TRAM2: variants seen among roughly 807,000 people sequenced by gnomAD.
TRAM2 encodes translocating chain-associated membrane protein 2.
A neutral mutation model predicts 51.0 loss-of-function variants in TRAM2; 12 were observed. The ratio of observed to expected loss-of-function variants is 0.24; its 90% CI spans 0.15 to 0.38. The LOEUF (loss-of-function observed/expected upper bound fraction) is 0.38, where lower values mean the gene tolerates loss of function less well. Ranked by LOEUF, TRAM2 falls within the 10% of genes least tolerant of loss-of-function variation. The pLI is 1.00. For synonymous variants in TRAM2, 175 were observed against 179.4 expected (o/e 0.98, Z 0.20); for missense variants, 361 against 462.0 (o/e 0.78, Z 2.00).
chr6:52,574,588 G>A (rs1207591969), intron 1 of TRAM2, among the ~76,000 whole-genome samples: 1 of 152,190 alleles, frequency 6.6e-6, no homozygotes, highest in Non-Finnish European at 1.5e-5. Context: ...TGATGGGCTT[G>A]GCAGGAAAAG....
intron 4 of TRAM2, 24 bp downstream of exon 4, chr6:52,515,982 T>C: frequency 1.2e-6 from 2 of 1,608,466 alleles, no homozygotes; most frequent in Non-Finnish European, 1.7e-6. Context: ...CTCTCCCGCT[T>C]CAGCAGTCCT....
At chr6:52,506,644 G>A (rs1370102501) in intron 7 of TRAM2, among the ~76,000 whole-genome samples, 5 of 152,176 alleles carry the variant, frequency 3.3e-5, no homozygotes. Flanking sequence ...TGACAGTGCA[G>A]ACTGGCTTCT....
intron 2 of TRAM2, chr6:52,522,804 C>A: frequency 1.5e-6 from 1 of 663,052 alleles, no homozygotes; most frequent in South Asian, 1.7e-5. Flanking sequence ...GAGCAGCTGT[C>A]CCTTTTGGGG....
rs1253610551 is a variant in TRAM2 at position 52,501,446 on chromosome 6, G to C, written c.*1751C>G. ...AAATCCAAGGTTTGGTTTCTACTGT[G>C]ATGTCAGAAAGATGACCAGTATTCC... On this transcript the variant is annotated 3_prime_UTR_variant, in exon 11 of 11. Transcript: ENST00000182527. 2 of 152,164 alleles carry C rather than the reference G, an allele frequency of 1.3e-5. No homozygotes were observed. The highest frequency in any genetic ancestry group is 2.9e-5 in the Non-Finnish European group (2 of 68,024). 9.4% of individuals were successfully genotyped at this position (152,164 alleles called of 1,614,324 possible).
chr6:52,553,882 G>GT lies in TRAM2; in HGVS notation c.121-18037dup, dbSNP rs1767354447. On this transcript the variant is annotated intron_variant, in intron 1 of 10. Coordinates refer to ENST00000182527, the MANE Select transcript of TRAM2 (RefSeq NM_012288.4). ...ATAACAATTAGTCATTCTTCCTCTT[G>GT]TTTTTTATCATTGCTTTGTCATTTA... is the stretch of plus-strand genomic sequence containing the variant. Among the ~76,000 whole-genome samples, 7 of 152,246 alleles carry GT rather than the reference G, an allele frequency of 4.6e-5. No individual in the cohort carries two copies. The South Asian group carries it at 8.3e-4, about 18-fold the overall frequency.
At chr6:52,509,507 C>G (rs1562475727) in intron 5 of TRAM2, 21 bp downstream of exon 5, 2 of 1,610,320 alleles carry the variant, frequency 1.2e-6, no homozygotes, top group African/African-American at 2.7e-5. Flanking sequence ...CTCCCTGGGG[C>G]TGAGTCAACA....
intron 1 of TRAM2, among the ~76,000 whole-genome samples, chr6:52,561,048 A>G (rs1767490091): frequency 6.6e-6 from 1 of 152,218 alleles, no homozygotes; most frequent in Non-Finnish European, 1.5e-5. Context: ...AAAATGATTC[A>G]GTCATAAAAA....
At chr6:52,508,405 G>T in intron 5 of TRAM2, 87 bp from the exon 6 acceptor site, 1 of 1,286,814 alleles carries the variant, frequency 7.8e-7, no homozygotes, top group Non-Finnish European at 1.1e-6. Flanking sequence ...AAAAGCATGG[G>T]CTGAGACTCT....
At chr6:52,564,480 CT>C (rs1293053500) in intron 1 of TRAM2, among the ~76,000 whole-genome samples, 1 of 152,124 alleles carries the variant, frequency 6.6e-6, no homozygotes, top group Non-Finnish European at 1.5e-5. Context: ...GCGCCCAAGC[CT>C]TCTCTCTGCC....
At position 52,555,029 on chromosome 6, in the gene TRAM2, C is replaced by G. The variant is rs576287411; in HGVS notation, c.121-19183G>C. On this transcript the variant is annotated intron_variant, in intron 1 of 10. Coordinates refer to ENST00000182527, the MANE Select transcript of TRAM2 (RefSeq NM_012288.4). Reference sequence around the variant, plus strand: ...GTGCCTGGCCAACTTCTAGTCAATCCTGACTTGAGTTTTTCTTGATGCTTT... The same window carrying G: ...GTGCCTGGCCAACTTCTAGTCAATCGTGACTTGAGTTTTTCTTGATGCTTT... Among the ~76,000 whole-genome samples, 192 of 152,300 alleles carry G rather than the reference C, an allele frequency of 1.3e-3. 1 individual carries two copies. Among genetic ancestry groups the G allele is most frequent in the African/African-American group, 4.3e-3 (180 of 41,572 alleles).
rs188380643 is a variant in TRAM2 at position 52,525,460 on chromosome 6, T to C, written c.185-8723A>G. 5.9e-5 allele frequency among the ~76,000 whole-genome samples: 9 copies of C among 152,286 alleles called. No homozygotes were observed. In the East Asian group the frequency reaches 1.7e-3, roughly 29 times the overall value. On this transcript the variant is annotated intron_variant, in intron 2 of 10. Coordinates refer to ENST00000182527, the MANE Select transcript of TRAM2 (RefSeq NM_012288.4). ...AGCATCACCATAGTTCTCAGACACATAAGCACAGATACACACACACACAGA... is the reference window on the plus strand; with the variant it reads ...AGCATCACCATAGTTCTCAGACACACAAGCACAGATACACACACACACAGA...
chr6:52,565,754 G>A (rs1767580216), intron 1 of TRAM2, among the ~76,000 whole-genome samples: 1 of 152,232 alleles, frequency 6.6e-6, no homozygotes, highest in Non-Finnish European at 1.5e-5. Flanking sequence ...GTAGATCTCA[G>A]TACATAGCGA....
chr6:52,517,192 G>A (rs1321645044), intron 2 of TRAM2: 1 of 157,962 alleles, frequency 6.3e-6, no homozygotes, highest in Non-Finnish European at 1.4e-5. Flanking sequence ...TCAGAAGCTG[G>A]ACTCTTCAGT....
Position 52,553,457 on chromosome 6 carries a change from T to C in TRAM2, c.121-17611A>G, listed in dbSNP as rs147025189. ...GTAGTAGCCGCTTTCTTTGATTCTCTGAATGTCCTTTCTTGCCTGCACTCC... is the reference window on the plus strand; with the variant it reads ...GTAGTAGCCGCTTTCTTTGATTCTCCGAATGTCCTTTCTTGCCTGCACTCC... On this transcript the variant is annotated intron_variant, in intron 1 of 10. Coordinates refer to ENST00000182527, the MANE Select transcript of TRAM2 (RefSeq NM_012288.4). 3.9e-5 allele frequency among the ~76,000 whole-genome samples: 6 copies of C among 152,356 alleles called. No homozygotes were observed. The East Asian group carries it at 9.6e-4, about 24-fold the overall frequency.
rs1303299249 is a variant in TRAM2, at chr6:52,526,148, GACAGACAC to G, written c.185-9419_185-9412del. On this transcript the variant is annotated intron_variant, in intron 2 of 10. Coordinates refer to ENST00000182527, the MANE Select transcript of TRAM2 (RefSeq NM_012288.4). Reference sequence around the variant, plus strand: ...ATGGCCATCCTAGGAAATACACACAGACAGACACACACACACACACACACACACACACA... The same window carrying G: ...ATGGCCATCCTAGGAAATACACACAGACACACACACACACACACACACACA... 5.1e-3 allele frequency among the ~76,000 whole-genome samples: 746 copies of G among 146,486 alleles called. 18 individuals are homozygous for G. The highest frequency in any genetic ancestry group is 0.013 in the African/African-American group (525 of 39,314).
At chr6:52,523,755 AAGG>A in intron 2 of TRAM2, 1 of 152,388 alleles carries the variant, frequency 6.6e-6, no homozygotes, top group Non-Finnish European at 1.5e-5. Flanking sequence ...ACGTGTGTAC[AAGG>A]TTACACACCA....
intron 2 of TRAM2, among the ~76,000 whole-genome samples, chr6:52,533,404 C>T (rs950496541): frequency 1.3e-5 from 2 of 152,196 alleles, no homozygotes; most frequent in Non-Finnish European, 2.9e-5. Context: ...ACATCATCCA[C>T]GTGCCCCCCA....
chr6:52,565,360 C>T (rs1248706695), intron 1 of TRAM2, among the ~76,000 whole-genome samples: 1 of 152,158 alleles, frequency 6.6e-6, no homozygotes, highest in Non-Finnish European at 1.5e-5. Flanking sequence ...GGTAAAACCA[C>T]TGGACTCAGT....
intron 4 of TRAM2, among the ~76,000 whole-genome samples, chr6:52,515,003 T>C (rs1190954069): frequency 6.6e-6 from 1 of 152,104 alleles, no homozygotes; most frequent in Non-Finnish European, 1.5e-5. Context: ...GAAATGATAA[T>C]AGGAATAAAA....
Sources: gnomAD v4.1 joint callset for allele counts (sites outside exome capture counted in the v4.1 genomes callset) on GRCh38, gnomAD v4.1.1 for gene constraint, MANE v1.5 for transcripts, NCBI Gene and HGNC (gene_info 2026-07-23, HGNC 2026-07-21) for gene names.